Variants in VPS13B observed in about 807,000 individuals in gnomAD.
VPS13B encodes the protein vacuolar protein sorting 13 homolog B.
In VPS13B, 285 loss-of-function variants were observed where a neutral mutation model predicts 426.4. The observed-to-expected ratio is 0.67, with a 90% CI of 0.61 to 0.74. VPS13B has a LOEUF of 0.74. Among genes scored for constraint, VPS13B ranks in the 30% least tolerant of loss-of-function variants. The probability of loss-of-function intolerance (pLI) is 0.00; values close to 1 mark genes in which losing one functional copy is unlikely to be tolerated. For missense variants in VPS13B, 4,537 were observed against 4,782.6 expected (o/e 0.95, Z 1.51); for synonymous variants, 1,676 against 1,676.4 (o/e 1.00, Z 0.01).
chr8:99,167,413 G>A (rs111803840), intron 15 of VPS13B, among the ~76,000 whole-genome samples: 144 of 152,012 alleles, frequency 9.5e-4, no homozygotes, highest in African/African-American at 3.2e-3. Flanking sequence ...ACTATTATGT[G>A]TTTTATTTAA....
At chr8:99,424,460 C>G (rs1391746038) in intron 21 of VPS13B, 1 of 152,176 alleles carries the variant, frequency 6.6e-6, no homozygotes, top group Admixed American at 6.5e-5. Flanking sequence ...TGAATGATTA[C>G]TGGGTAGATA....
At chr8:99,195,654 G>T (rs143473003) in intron 17 of VPS13B, among the ~76,000 whole-genome samples, 4 of 152,240 alleles carry the variant, frequency 2.6e-5, no homozygotes, top group African/African-American at 9.6e-5. Flanking sequence ...GACCAATGAA[G>T]CTTTGTCCAT....
intron 19 of VPS13B, among the ~76,000 whole-genome samples, chr8:99,277,150 T>A (rs1297468508): frequency 6.6e-6 from 1 of 152,096 alleles, no homozygotes; most frequent in East Asian, 1.9e-4. Context: ...GTTAAGGAAA[T>A]TCACCTAATC....
chr8:99,051,148 G>A (rs977131853), intron 3 of VPS13B, among the ~76,000 whole-genome samples: 5 of 152,078 alleles, frequency 3.3e-5, no homozygotes, highest in Non-Finnish European at 7.4e-5. Context: ...TTCTTCTAGG[G>A]TTTTTATGGT....
At chr8:99,502,138 C>T (rs895427510) in intron 26 of VPS13B, among the ~76,000 whole-genome samples, 14 of 151,992 alleles carry the variant, frequency 9.2e-5, no homozygotes, top group Non-Finnish European at 1.5e-4. Context: ...GCGTGCACCA[C>T]GACACCCAGC....
In VPS13B at chr8:99,699,656, A is replaced by G. The variant is rs200711677; in HGVS notation, c.6178A>G (p.Met2060Val). 9 of 1,614,206 alleles carry G rather than the reference A, an allele frequency of 5.6e-6. No individual in the cohort carries two copies. In the African/African-American group the frequency reaches 6.7e-5, roughly 12 times the overall value. ...GGCACATAGTGAAGAGACTTCAGCC[A>G]TGTCCAACACCATGGTGAATAAGGA... ...SLAHSEETSA[M>V]SNTMVNKDDL... is the part of the protein sequence containing the mutation. Residue 2060 changes from methionine (M) to valine (V), a missense_variant, in exon 36 of 62, where the codon ATG becomes GTG. Physicochemically the swap from Met to Val is conservative, Grantham distance 21. This residue lies in a region of VPS13B where 4,311 missense variants were observed against 4,474.3 expected (regional missense o/e 0.96). Transcript: ENST00000357162.
At chr8:99,296,464 A>G (rs1820048303) in intron 19 of VPS13B, among the ~76,000 whole-genome samples, 1 of 152,298 alleles carries the variant, frequency 6.6e-6, no homozygotes, top group East Asian at 1.9e-4. Flanking sequence ...TTTTTCTAAT[A>G]CATAAAATGG....
intron 26 of VPS13B, 118 bp downstream of exon 26, chr8:99,501,976 T>C (rs117043473): frequency 8.6e-4 from 1,033 of 1,203,122 alleles, no homozygotes; most frequent in Admixed American, 1.1e-3. Context: ...TGTCTGTCTT[T>C]CCGTCTGTCT....
intron 25 of VPS13B, among the ~76,000 whole-genome samples, chr8:99,482,302 TTGTATAAGAAATATTTTA>T (rs747275296): frequency 4.5e-4 from 69 of 152,256 alleles, no homozygotes; most frequent in Non-Finnish European, 7.2e-4. Context: ...AGTACCTCTT[TTGTATAAGAAATATTTTA>T]TAATGCCTCC....
Position 99,577,643 on chromosome 8 carries a change from AC to A in VPS13B, c.5220+12del, listed in dbSNP as rs1825839372. 2 of 1,613,248 alleles carry A rather than the reference AC, an allele frequency of 1.2e-6. No individual in the cohort carries two copies. ...AAACAAGGCTGCAGAGGTAACTGTT[AC>A]CTGATTTTGATCAGGCTTACTGCAT... On this transcript the variant is annotated intron_variant, in intron 33 of 61. Transcript: ENST00000357162.
intron 19 of VPS13B, among the ~76,000 whole-genome samples, chr8:99,324,979 T>C (rs190364803): frequency 6.6e-6 from 1 of 152,324 alleles, no homozygotes; most frequent in Admixed American, 6.5e-5. Context: ...GAAAACACTT[T>C]TCTTAATCAT....
intron 2 of VPS13B, among the ~76,000 whole-genome samples, chr8:99,035,606 C>G (rs1393052323): frequency 6.6e-6 from 1 of 152,124 alleles, no homozygotes; most frequent in Non-Finnish European, 1.5e-5. Flanking sequence ...TACTTTACAG[C>G]TATTGTGATT....
chr8:99,677,658 G>A (rs1370908771), intron 35 of VPS13B, among the ~76,000 whole-genome samples: 1 of 152,180 alleles, frequency 6.6e-6, no homozygotes, highest in Non-Finnish European at 1.5e-5. Context: ...GAGTCATAGA[G>A]GCTGGTTGTG....
intron 34 of VPS13B, among the ~76,000 whole-genome samples, chr8:99,654,333 C>G (rs1829941805): frequency 6.6e-6 from 1 of 152,110 alleles, no homozygotes; most frequent in Non-Finnish European, 1.5e-5. Context: ...CAGGCGTGAG[C>G]CACCACGCCC....
intron 17 of VPS13B, among the ~76,000 whole-genome samples, chr8:99,246,346 A>G (rs1030851654): frequency 1.3e-5 from 2 of 152,180 alleles, no homozygotes; most frequent in Non-Finnish European, 2.9e-5. Flanking sequence ...CATGGTTGAG[A>G]ACAAGTGCTC....
intron 17 of VPS13B, chr8:99,233,517 C>G (rs1334880999): frequency 6.6e-6 from 8 of 1,207,884 alleles, no homozygotes; most frequent in Non-Finnish European, 9.9e-6. Context: ...AATGCTGATG[C>G]GGGAACGGGC....
chr8:99,621,919 C>T (rs1027730385), intron 33 of VPS13B, among the ~76,000 whole-genome samples: 17 of 150,128 alleles, frequency 1.1e-4, no homozygotes, highest in African/African-American at 2.9e-4. Flanking sequence ...CTGCAACCTC[C>T]GCCTCCCAGG....
intron 34 of VPS13B, among the ~76,000 whole-genome samples, chr8:99,650,747 G>C (rs954453058): frequency 6.6e-6 from 1 of 152,162 alleles, no homozygotes; most frequent in African/African-American, 2.4e-5. Flanking sequence ...CAGACCACAG[G>C]TAATTGCAGG....
intron 16 of VPS13B, among the ~76,000 whole-genome samples, chr8:99,173,599 T>G (rs1408816512): frequency 6.6e-6 from 1 of 152,194 alleles, no homozygotes; most frequent in African/African-American, 2.4e-5. Context: ...GTGATTAACA[T>G]TCCCTTTAAC....
Sources: gnomAD v4.1 joint callset for allele counts (sites outside exome capture counted in the v4.1 genomes callset) on GRCh38, gnomAD v4.1.1 for gene constraint, gnomAD v4.1.1 regional missense constraint, MANE v1.5 for transcripts, NCBI Gene and HGNC (gene_info 2026-07-23, HGNC 2026-07-21) for gene names.